The following SORT1 variants were observed in gnomAD, a reference collection of about 807,000 sequenced individuals.
The protein encoded by SORT1 is sortilin 1.
SORT1 carries 39 observed loss-of-function variants against 101.7 expected under a neutral mutation model. That is an observed-to-expected ratio of 0.38 (90% CI 0.30 to 0.50). The LOEUF is 0.50. SORT1 is among the 20% of genes least tolerant of loss of function. The pLI is 0.90. For missense variants in SORT1, 878 were observed against 1,040.4 expected (o/e 0.84, Z 2.15); for synonymous variants, 396 against 393.7 (o/e 1.01, Z -0.07).
At chr1:109,383,177 T>C (rs937118083) in intron 1 of SORT1, among the ~76,000 whole-genome samples, 1 of 152,192 alleles carries the variant, frequency 6.6e-6, no homozygotes, top group East Asian at 1.9e-4. Flanking sequence ...CACTATTGCA[T>C]GTGGGTCAGT....
At chr1:109,340,415 C>A (rs1186299955) in intron 10 of SORT1, among the ~76,000 whole-genome samples, 1 of 151,936 alleles carries the variant, frequency 6.6e-6, no homozygotes, top group South Asian at 2.1e-4. Context: ...GGGTGGGGAA[C>A]GAGGAGTGCT....
intron 1 of SORT1, among the ~76,000 whole-genome samples, chr1:109,384,365 G>A (rs1405311757): frequency 2.0e-5 from 3 of 152,134 alleles, no homozygotes; most frequent in African/African-American, 7.2e-5. Context: ...AGCATAGAGA[G>A]GAAGCAAATC....
Position 109,397,731 on chromosome 1 carries a change from G to C in SORT1, c.162C>G (p.Ile54Met). 8.4e-7 allele frequency: 1 copy of C among 1,187,340 alleles called. No homozygotes were observed. Among genetic ancestry groups the C allele is most frequent in the African/African-American group, 1.6e-5 (1 of 61,250 alleles). 73.6% of individuals were successfully genotyped at this position (1,187,340 alleles called of 1,614,324 possible). A position where few individuals can be genotyped will look rare whatever the true frequency, so the allele number is the denominator to read the frequency against. The change falls in exon 1 of 20, where the codon ATC (isoleucine) becomes ATG (methionine). Residue 54 changes from isoleucine to methionine, a missense_variant. By Grantham distance (10) the Ile-to-Met change is conservative (BLOSUM62 1). Transcript: ENST00000256637. ...CCGCCCGCAGCCCCCAGCTCACCCC[G>C]ATGGGGCCAGACCAGCGCGGCAGCG... Reference protein sequence around the residue: ...AAPLPRWSGPIGVSWGLRAAA... With the variant: ...AAPLPRWSGPMGVSWGLRAAA...
chr1:109,383,656 A>G (rs555326032), intron 1 of SORT1, among the ~76,000 whole-genome samples: 2 of 152,206 alleles, frequency 1.3e-5, no homozygotes, highest in East Asian at 3.8e-4. Context: ...AACTCCAGTG[A>G]GGCCTAGAAC....
chr1:109,376,174 C>CA (rs1297817761), intron 1 of SORT1, among the ~76,000 whole-genome samples: 1 of 151,660 alleles, frequency 6.6e-6, no homozygotes, highest in Non-Finnish European at 1.5e-5. Flanking sequence ...ACTAAAAATA[C>CA]AAAAAATTAG....
intron 6 of SORT1, among the ~76,000 whole-genome samples, chr1:109,350,068 T>A (rs183600478): frequency 1.7e-3 from 259 of 152,334 alleles, no homozygotes; most frequent in African/African-American, 5.8e-3. Flanking sequence ...TCCACCTCCT[T>A]CCAGCTCTCA....
chr1:109,347,862 C>T (rs1440383612), intron 6 of SORT1, among the ~76,000 whole-genome samples: 1 of 152,130 alleles, frequency 6.6e-6, no homozygotes, highest in Non-Finnish European at 1.5e-5. Context: ...TGGCATCTAC[C>T]GGGTAGAGGC....
intron 8 of SORT1, among the ~76,000 whole-genome samples, chr1:109,344,254 C>A (rs1331867248): frequency 6.6e-6 from 1 of 152,178 alleles, no homozygotes; most frequent in Admixed American, 6.5e-5. Context: ...TGCGCGTGCC[C>A]CTGTCAGGCT....
At position 109,369,565 on chromosome 1, in the gene SORT1, A is replaced by T; in HGVS notation, c.331T>A (p.Ser111Thr). The change falls in exon 2 of 20, where the codon TCA (serine) becomes ACA (threonine). Residue 111 changes from serine to threonine, a missense_variant. By Grantham distance (58) the Ser-to-Thr change is moderately conservative (BLOSUM62 1). Coordinates refer to ENST00000256637, the MANE Select transcript of SORT1 (RefSeq NM_002959.7). Reference sequence around the variant, plus strand: ...TCTCCAACCCAGGACAAGGATACTGAGCCTCTGAGATCATCAAACACATGC... The same window carrying T: ...TCTCCAACCCAGGACAAGGATACTGTGCCTCTGAGATCATCAAACACATGC... ...HQHVFDDLRG[S>T]VSLSWVGDST... is the part of the protein sequence containing the mutation. 1 of 1,609,930 alleles carries T rather than the reference A, an allele frequency of 6.2e-7. No individual in the cohort carries two copies. Among genetic ancestry groups the T allele is most frequent in the Admixed American group, 1.7e-5 (1 of 60,014 alleles).
intron 15 of SORT1, among the ~76,000 whole-genome samples, chr1:109,322,321 TTTTG>T (rs1647687577): frequency 6.6e-6 from 1 of 152,134 alleles, no homozygotes; most frequent in Non-Finnish European, 1.5e-5. Context: ...TTCTACAGAT[TTTTG>T]TTTGTTTTAT....
At chr1:109,368,981 G>C (rs756175768) in intron 2 of SORT1, among the ~76,000 whole-genome samples, 2 of 152,194 alleles carry the variant, frequency 1.3e-5, no homozygotes, top group African/African-American at 4.8e-5. Flanking sequence ...CAGCCACCAA[G>C]GACTGAAAAG....
At chr1:109,390,771 A>ATG (rs376882706) in intron 1 of SORT1, among the ~76,000 whole-genome samples, 4,806 of 145,522 alleles carry the variant, frequency 0.033, 139 homozygotes, top group African/African-American at 0.076. Context: ...GTGTGTGTGT[A>ATG]TGTGTGTGTG....
intron 1 of SORT1, among the ~76,000 whole-genome samples, chr1:109,377,190 G>A (rs898098767): frequency 6.6e-6 from 1 of 152,064 alleles, no homozygotes; most frequent in Middle Eastern, 3.2e-3. Context: ...AACTATACAT[G>A]TAGAACTATT....
intron 10 of SORT1, among the ~76,000 whole-genome samples, chr1:109,339,079 G>A (rs1048896604): frequency 2.6e-5 from 4 of 151,876 alleles, no homozygotes; most frequent in African/African-American, 4.8e-5. Flanking sequence ...GGGTTTCGCC[G>A]TGTTAGCCAG....
rs1240942478 is a variant in SORT1 at position 109,397,659 on chromosome 1, G to T, written c.234C>A (p.Ser78Arg). 5 of 1,222,934 alleles carry T rather than the reference G, an allele frequency of 4.1e-6. No homozygotes were observed. The highest frequency in any genetic ancestry group is 5.1e-6 in the Non-Finnish European group (5 of 977,070). The allele number at this position is 1,222,934 out of a possible 1,614,324, so 75.8% of individuals were successfully genotyped here. The change falls in exon 1 of 20, where the codon AGC (serine) becomes AGA (arginine). Residue 78 changes from serine to arginine, a missense_variant. Ser to Arg is a moderately radical substitution (Grantham distance 110). Coordinates refer to ENST00000256637, the MANE Select transcript of SORT1 (RefSeq NM_002959.7). ...AFPRGGRWRRSAPGEDEECGR... is the reference protein window; with the variant it reads ...AFPRGGRWRRRAPGEDEECGR... ...CGCACTCCTCGTCCTCGCCCGGCGC[G>T]CTGCGACGCCAACGGCCGCCGCGGG...
Position 109,397,907 on chromosome 1 carries a change from G to T in SORT1, c.-15C>A. On this transcript the variant is annotated 5_prime_UTR_variant, in exon 1 of 20. Transcript: ENST00000256637. The stretch of plus-strand genomic sequence containing the variant: ...GGCCGCTCCATCGCCGCCGAATGCC[G>T]CCGACGCCGACACCTGCCGCCCGGC... 8.7e-7 allele frequency: 1 copy of T among 1,145,542 alleles called. No homozygotes were observed. The highest frequency in any genetic ancestry group is 1.1e-6 in the Non-Finnish European group (1 of 934,760). 71.0% of individuals were successfully genotyped at this position (1,145,542 alleles called of 1,614,324 possible).
At chr1:109,316,801 G>A in intron 17 of SORT1, 49 bp downstream of exon 17, 1 of 1,208,576 alleles carries the variant, frequency 8.3e-7, no homozygotes, top group Non-Finnish European at 1.2e-6. Context: ...TTTCTTAGCA[G>A]AACACAAAAT....
intron 3 of SORT1, 156 bp downstream of exon 3, chr1:109,367,252 C>A (rs1399930068): frequency 1.1e-5 from 6 of 546,336 alleles, no homozygotes; most frequent in Admixed American, 3.0e-5. Flanking sequence ...ACAACAACAA[C>A]AAAAACATGT....
chr1:109,372,215 C>A (rs909062357), intron 1 of SORT1, among the ~76,000 whole-genome samples: 1 of 152,290 alleles, frequency 6.6e-6, no homozygotes, highest in South Asian at 2.1e-4. Context: ...TTTAAGACAA[C>A]GTACATGTCA....
Sources: gnomAD v4.1 joint callset for allele counts (sites outside exome capture counted in the v4.1 genomes callset) on GRCh38, gnomAD v4.1.1 for gene constraint, MANE v1.5 for transcripts, NCBI Gene and HGNC (gene_info 2026-07-23, HGNC 2026-07-21) for gene names.